Variants in GPR55 observed in about 807,000 individuals in gnomAD.
GPR55 encodes the protein G protein-coupled receptor 55.
In GPR55, 6 loss-of-function variants were observed where a neutral mutation model predicts 7.9. That is an observed-to-expected ratio of 0.76 (90% CI 0.41 to 1.49). The LOEUF is 1.49. Ranked by LOEUF, GPR55 falls within the 40% of genes most tolerant of loss-of-function variation. The probability of loss-of-function intolerance (pLI) is 0.01; values close to 1 mark genes in which losing one functional copy is unlikely to be tolerated. For missense variants in GPR55, 376 were observed against 406.0 expected (o/e 0.93, Z 0.63); for synonymous variants, 183 against 166.8 (o/e 1.10, Z -0.75).
rs1242304794 is a variant in GPR55 at position 230,923,604 on chromosome 2, G to A, written c.-135+1564C>T. On this transcript the variant is annotated intron_variant, in intron 1 of 1. Transcript: ENST00000650999. The surrounding 1 kb of genome is among the most constrained non-coding windows in gnomAD (Gnocchi z 4.1). ...GAATGTTGCTGGAGCTTGGGCTGGGGGGTTGGAGTGGGGCTGGGAGAGGGG... is the reference window on the plus strand; with the variant it reads ...GAATGTTGCTGGAGCTTGGGCTGGGAGGTTGGAGTGGGGCTGGGAGAGGGG... Among the ~76,000 whole-genome samples, 1 of 152,100 alleles carries A rather than the reference G, an allele frequency of 6.6e-6. No individual in the cohort carries two copies. Among genetic ancestry groups the A allele is most frequent in the Non-Finnish European group, 1.5e-5 (1 of 67,998 alleles).
At chr2:230,916,217 G>A (rs1168814584) in intron 1 of GPR55, among the ~76,000 whole-genome samples, 1 of 151,088 alleles carries the variant, frequency 6.6e-6, no homozygotes, top group Non-Finnish European at 1.5e-5. Context: ...CTCCAAAAAA[G>A]AAAAAAAAAT....
At chr2:230,928,748 G>A (rs556266164), upstream of GPR55, among the ~76,000 whole-genome samples, 4 of 152,310 alleles carry the variant, frequency 2.6e-5, no homozygotes, top group South Asian at 8.3e-4. Flanking sequence ...AGGAAAAGGG[G>A]TCCTAAAAAT....
intron 1 of GPR55, among the ~76,000 whole-genome samples, chr2:230,914,215 G>A (rs1207926318): frequency 6.6e-6 from 1 of 152,220 alleles, no homozygotes; most frequent in Non-Finnish European, 1.5e-5. Flanking sequence ...CTGACAGAAA[G>A]CACACAACCT....
rs965361716 is a variant in GPR55, at chr2:230,943,087, AAGAG to A, written c.-135+17684_-135+17687del. 5.9e-4 allele frequency among the ~76,000 whole-genome samples: 89 copies of A among 150,810 alleles called. 2 individuals carry two copies. In the South Asian group the frequency reaches 0.017, roughly 29 times the overall value. ...AGAGAAAAGAGAGAGAGAGGAGAGA[AAGAG>A]AGAGAGAGGAGAGAAAGAGAGAGAG... On this transcript the variant is annotated intron_variant, in intron 1 of 1. Coordinates refer to the GPR55 transcript ENST00000392039.
chr2:230,957,804 T>G (rs1274922993), intron 1 of GPR55: 1 of 569,204 alleles, frequency 1.8e-6, no homozygotes, highest in African/African-American at 1.9e-5. Context: ...TCTTGGTGAC[T>G]TTGGGATGCT....
upstream of GPR55, among the ~76,000 whole-genome samples, chr2:230,928,219 G>A (rs1690974724): frequency 1.3e-5 from 2 of 152,210 alleles, no homozygotes. Context: ...GGCAGCATGT[G>A]ACAGACCCAC....
chr2:230,938,264 A>C (rs554523507), intron 1 of GPR55, among the ~76,000 whole-genome samples: 27 of 151,336 alleles, frequency 1.8e-4, no homozygotes, highest in African/African-American at 6.3e-4. Context: ...CTTAACTGCC[A>C]TTTGAGGAAG....
chr2:230,956,020 C>T, intron 1 of GPR55, among the ~76,000 whole-genome samples: 1 of 152,118 alleles, frequency 6.6e-6, no homozygotes, highest in East Asian at 1.9e-4. Flanking sequence ...AGCCACCATG[C>T]CCAACTACAC....
At chr2:230,957,822 T>A (rs1048202371) in intron 1 of GPR55, 1 of 600,056 alleles carries the variant, frequency 1.7e-6, no homozygotes, top group Non-Finnish European at 3.2e-6. Context: ...GCTGGTTTCA[T>A]TGTAGGTATA....
rs1436421219 is a variant in GPR55 at position 230,924,552 on chromosome 2, C to T, written c.-135+616G>A. Reference sequence around the variant, plus strand: ...AATGTAGGATAGCAACCAGGGCTTTCCTCTCCATCATTTACTGCCCTTGAG... The same window carrying T: ...AATGTAGGATAGCAACCAGGGCTTTTCTCTCCATCATTTACTGCCCTTGAG... On this transcript the variant is annotated intron_variant, in intron 1 of 1. Coordinates refer to ENST00000650999, the MANE Select transcript of GPR55 (RefSeq NM_005683.4). This position sits in a 1 kb window ranked among gnomAD's most constrained non-coding sequence, Gnocchi z 4.5. The T allele has an allele frequency of 8.5e-5, 13 of 152,248 alleles. No homozygotes were observed. The highest frequency in any genetic ancestry group is 1.6e-4 in the Non-Finnish European group (11 of 68,068). The allele number at this position is 152,248 out of a possible 1,614,324, so 9.4% of individuals were successfully genotyped here.
chr2:230,956,240 C>T (rs1274994873), intron 1 of GPR55, among the ~76,000 whole-genome samples: 1 of 152,164 alleles, frequency 6.6e-6, no homozygotes, highest in East Asian at 1.9e-4. Flanking sequence ...TCTCAGCTCA[C>T]TGCGACCTCT....
At chr2:230,958,055 A>T in intron 1 of GPR55, 1 of 263,522 alleles carries the variant, frequency 3.8e-6, no homozygotes. Flanking sequence ...TCAATCAAGT[A>T]AATAAAGTTT....
Position 230,910,854 on chromosome 2 carries a change from G to A in GPR55, c.109C>T (p.Leu37Phe). 1 of 1,614,194 alleles carries A rather than the reference G, an allele frequency of 6.2e-7. No individual in the cohort carries two copies. The highest frequency in any genetic ancestry group is 8.5e-7 in the Non-Finnish European group (1 of 1,180,020). Residue 37 changes from leucine (L) to phenylalanine (F), a missense_variant, in exon 2 of 2, where the codon CTC (leucine) becomes TTC (phenylalanine). By Grantham distance (22) the Leu-to-Phe change is conservative (BLOSUM62 0). Transcript: ENST00000650999. This position sits in a 1 kb window ranked among gnomAD's most constrained non-coding sequence, Gnocchi z 5.4. ...AAGCCATGGATGGCCAGCAGGTTGA[G>A]GAGCAGGCCCAGGACGAAGGTGGGG... ...HIPTFVLGLL[L>F]NLLAIHGFST...
intron 1 of GPR55, among the ~76,000 whole-genome samples, chr2:230,952,457 T>TC (rs1423548605): frequency 6.6e-6 from 1 of 152,216 alleles, no homozygotes; most frequent in Non-Finnish European, 1.5e-5. Flanking sequence ...CCGTGGGATG[T>TC]CCTGTTGTGT....
chr2:230,957,593 G>A (rs3106074), intron 1 of GPR55: 173,584 of 433,592 alleles, frequency 0.4, 37,047 homozygotes, highest in African/African-American at 0.61. Context: ...AGTCGTCCCC[G>A]TGGCCGCCGC....
chr2:230,960,167 G>A (rs1192461060), intron 1 of GPR55, among the ~76,000 whole-genome samples: 1 of 152,216 alleles, frequency 6.6e-6, no homozygotes, highest in Non-Finnish European at 1.5e-5. Flanking sequence ...AACTGGCTTT[G>A]CACAAGACTC....
rs1480457640 is a variant in GPR55, at chr2:230,916,600, A to G, written c.-134-5504T>C. 3.3e-5 allele frequency among the ~76,000 whole-genome samples: 5 copies of G among 152,288 alleles called. No individual in the cohort carries two copies. The East Asian group carries it at 9.6e-4, about 29-fold the overall frequency. On this transcript the variant is annotated intron_variant, in intron 1 of 1. Transcript: ENST00000650999. Reference sequence around the variant, plus strand: ...AATATTGCGGATAAATTAATAAAGCAGGAAGAATGTTCTTGTGTTGTAGGG... The same window carrying G: ...AATATTGCGGATAAATTAATAAAGCGGGAAGAATGTTCTTGTGTTGTAGGG...
chr2:230,948,105 C>T (rs1003140183), intron 1 of GPR55, among the ~76,000 whole-genome samples: 1 of 151,896 alleles, frequency 6.6e-6, no homozygotes, highest in African/African-American at 2.4e-5. Context: ...CCGCCGCCCA[C>T]CCCCTGGCCG....
intron 1 of GPR55, among the ~76,000 whole-genome samples, chr2:230,933,115 G>A (rs1468338598): frequency 2.9e-5 from 2 of 68,784 alleles, no homozygotes; most frequent in Non-Finnish European, 6.0e-5. Flanking sequence ...CTCCATCACT[G>A]CCTTCTGGTC....
Sources: allele counts gnomAD v4.1 joint callset (sites outside exome capture counted in the v4.1 genomes callset), GRCh38; gene constraint gnomAD v4.1.1; non-coding constraint Gnocchi (gnomAD v3.1); transcripts MANE v1.5; gene names NCBI Gene and HGNC (gene_info 2026-07-23, HGNC 2026-07-21).